CRTAC1: variants seen among roughly 807,000 people sequenced by gnomAD.
CRTAC1 encodes the protein cartilage acidic protein 1.
CRTAC1 carries 37 observed loss-of-function variants against 67.8 expected under a neutral mutation model. The ratio of observed to expected loss-of-function variants is 0.55; its 90% CI spans 0.42 to 0.72. The LOEUF (loss-of-function observed/expected upper bound fraction) is 0.72. Among genes scored for constraint, CRTAC1 ranks in the 30% least tolerant of loss-of-function variants. The probability of loss-of-function intolerance (pLI) is 0.00; values close to 1 mark genes in which losing one functional copy is unlikely to be tolerated. For synonymous variants in CRTAC1, 348 were observed against 371.0 expected, an observed-to-expected ratio of 0.94 and a Z score of 0.71; for missense variants, 780 against 931.6, an observed-to-expected ratio of 0.84 and a Z score of 2.12.
intron 3 of CRTAC1, among the ~76,000 whole-genome samples, chr10:97,932,403 G>A (rs74889560): frequency 0.029 from 4,441 of 152,216 alleles, 232 homozygotes; most frequent in African/African-American, 0.1. Context: ...TCTGGAGTAC[G>A]GCAGTGAAAA....
chr10:97,936,515 C>A, intron 2 of CRTAC1, 149 bp from the exon 3 acceptor site: 1 of 600,630 alleles, frequency 1.7e-6, no homozygotes, highest in African/African-American at 1.9e-5. Flanking sequence ...GCCAGCCTTG[C>A]CTCATGGAAC....
At chr10:97,948,353 A>AGAGAG (rs761542598) in intron 2 of CRTAC1, among the ~76,000 whole-genome samples, 10 of 152,280 alleles carry the variant, frequency 6.6e-5, no homozygotes, top group South Asian at 6.2e-4. Flanking sequence ...CTGTTTCCTT[A>AGAGAG]GAGAGGAGAG....
chr10:97,926,237 G>A (rs766253408), intron 3 of CRTAC1, among the ~76,000 whole-genome samples: 33 of 152,162 alleles, frequency 2.2e-4, no homozygotes, highest in Non-Finnish European at 4.6e-4. Context: ...TGAGTTGCGG[G>A]TCACCCTGAG....
In CRTAC1 at chr10:97,975,630, T is replaced by G. The variant is rs939349901; in HGVS notation, c.224+35508A>C. On this transcript the variant is annotated intron_variant, in intron 2 of 14. Transcript: ENST00000370597. The surrounding 1 kb of genome is among the most constrained non-coding windows in gnomAD (Gnocchi z 4.8). ...GCCAGTCTTCTGCATAGTTCTAAGA[T>G]GGACTCTCCCTGTGAATGACAAAAA... Among the ~76,000 whole-genome samples, 2 of 152,168 alleles carry G rather than the reference T, an allele frequency of 1.3e-5. No homozygotes were observed. The highest frequency in any genetic ancestry group is 6.5e-5 in the Admixed American group (1 of 15,284).
At chr10:97,912,971 C>T (rs1315545187) in intron 5 of CRTAC1, among the ~76,000 whole-genome samples, 1 of 152,226 alleles carries the variant, frequency 6.6e-6, no homozygotes, top group East Asian at 1.9e-4. Flanking sequence ...TGAGGCCCCT[C>T]GGCCAGGGAA....
chr10:98,028,044 G>A (rs1038276356), intron 1 of CRTAC1, among the ~76,000 whole-genome samples: 2 of 152,226 alleles, frequency 1.3e-5, no homozygotes, highest in Admixed American at 6.5e-5. Flanking sequence ...CTTGCTTCTG[G>A]CTCTAATGTT....
intron 8 of CRTAC1, among the ~76,000 whole-genome samples, chr10:97,899,986 T>TTCA (rs1413620754): frequency 2.6e-5 from 4 of 152,238 alleles, no homozygotes; most frequent in African/African-American, 7.2e-5. Flanking sequence ...AACTTCAGTG[T>TTCA]GATGAGAATC....
At chr10:97,980,481 C>T (rs2051875012) in intron 2 of CRTAC1, among the ~76,000 whole-genome samples, 1 of 152,150 alleles carries the variant, frequency 6.6e-6, no homozygotes, top group African/African-American at 2.4e-5. Flanking sequence ...TTTAATCCAC[C>T]ATCAGTAGTG....
chr10:98,016,564 G>A (rs1843002469), intron 1 of CRTAC1, among the ~76,000 whole-genome samples: 1 of 152,128 alleles, frequency 6.6e-6, no homozygotes, highest in African/African-American at 2.4e-5. Context: ...ACTCTAGGCT[G>A]GCGGCTCTGA....
Position 98,011,320 on chromosome 10 carries a change from C to T in CRTAC1, c.42G>A (p.Pro14=), listed in dbSNP as rs780537531. 5.0e-6 allele frequency: 8 copies of T among 1,613,826 alleles called. No individual in the cohort carries two copies. Among genetic ancestry groups the T allele is most frequent in the East Asian group, 2.2e-5 (1 of 44,894 alleles). ...SADPGMSRML[P]FLLLLWFLPI... is the part of the protein sequence containing the mutation. ...GCAGAAACCAGAGCAGCAGCAGGAA[C>T]GGTAACATCCTGGACATCTGAAACC... Residue 14 remains proline (P), a synonymous_variant, in exon 2 of 15, where the codon CCG becomes CCA. Transcript: ENST00000370597.
chr10:97,948,972 G>T (rs1051880672), intron 2 of CRTAC1, among the ~76,000 whole-genome samples: 4 of 152,272 alleles, frequency 2.6e-5, no homozygotes, highest in Admixed American at 2.6e-4. Context: ...ACAGCATGGG[G>T]GTAACTACCG....
intron 14 of CRTAC1, chr10:97,867,759 G>A (rs2050045718): frequency 6.6e-6 from 1 of 150,628 alleles, no homozygotes; most frequent in Non-Finnish European, 1.5e-5. Context: ...GCTCTGTGAT[G>A]CTTTCTCTGC....
chr10:98,019,096 T>TA (rs1843065153), intron 1 of CRTAC1, among the ~76,000 whole-genome samples: 1 of 151,834 alleles, frequency 6.6e-6, no homozygotes, highest in East Asian at 1.9e-4. Flanking sequence ...AAGTGCTTCC[T>TA]AGAGGGAGGG....
intron 3 of CRTAC1, among the ~76,000 whole-genome samples, chr10:97,929,902 G>T (rs989829055): frequency 1.6e-4 from 24 of 152,342 alleles, no homozygotes; most frequent in African/African-American, 5.5e-4. Context: ...CAGCAAGACA[G>T]TGATGGCTCC....
Position 98,029,488 on chromosome 10 carries a change from A to AGCGGCGGCGGCGGCGGCGGCGGCGGCG in CRTAC1, c.24+960_24+961insCGCCGCCGCCGCCGCCGCCGCCGCCGC, listed in dbSNP as rs796585183. On this transcript the variant is annotated intron_variant, in intron 1 of 14. Coordinates refer to ENST00000370597, the MANE Select transcript of CRTAC1 (RefSeq NM_018058.7). The surrounding 1 kb of genome is among the most constrained non-coding windows in gnomAD (Gnocchi z 4.7). The stretch of plus-strand genomic sequence containing the variant: ...CACACTGGGTGCACCCACCAGCAGC[A>AGCGGCGGCGGCGGCGGCGGCGGCGGCG]GCAGCGGCGGCGGCGGCGGCGGCGG... Among the ~76,000 whole-genome samples, 58 of 122,834 alleles carry AGCGGCGGCGGCGGCGGCGGCGGCGGCG rather than the reference A, an allele frequency of 4.7e-4. No individual in the cohort carries two copies. The highest frequency in any genetic ancestry group is 1.8e-3 in the African/African-American group (53 of 29,950). 80.6% of individuals were successfully genotyped at this position (122,834 alleles called of 152,430 possible). A position where few individuals can be genotyped will look rare whatever the true frequency, so the allele number is the denominator to read the frequency against.
At chr10:97,888,753 G>T (rs2050322669) in intron 11 of CRTAC1, among the ~76,000 whole-genome samples, 1 of 152,114 alleles carries the variant, frequency 6.6e-6, no homozygotes, top group Non-Finnish European at 1.5e-5. Flanking sequence ...GAAGCCAGCT[G>T]GTCCTGCCAG....
intron 1 of CRTAC1, among the ~76,000 whole-genome samples, chr10:98,027,072 C>T (rs555791924): frequency 6.6e-6 from 1 of 151,474 alleles, no homozygotes; most frequent in Admixed American, 6.6e-5. Flanking sequence ...GAGGCTGAGG[C>T]AGGAGAATGG....
At chr10:97,932,784 C>T (rs563598687) in intron 3 of CRTAC1, among the ~76,000 whole-genome samples, 14 of 152,082 alleles carry the variant, frequency 9.2e-5, no homozygotes, top group African/African-American at 2.2e-4. Flanking sequence ...TAGTCTATGG[C>T]GCCACTAGTG....
At chr10:97,901,832 A>C (rs2050546371) in intron 7 of CRTAC1, among the ~76,000 whole-genome samples, 193 bp from the exon 8 acceptor site, 1 of 152,188 alleles carries the variant, frequency 6.6e-6, no homozygotes, top group African/African-American at 2.4e-5. Context: ...TACGAGAAGA[A>C]GGAGGGAAGA....
Sources: gnomAD v4.1 joint callset for allele counts (sites outside exome capture counted in the v4.1 genomes callset) on GRCh38, gnomAD v4.1.1 for gene constraint, Gnocchi (gnomAD v3.1) non-coding constraint, MANE v1.5 for transcripts, NCBI Gene and HGNC (gene_info 2026-07-23, HGNC 2026-07-21) for gene names.